Variants in IL1RAPL1 observed in about 807,000 individuals in gnomAD.
IL1RAPL1 encodes interleukin-1 receptor accessory protein-like 1.
Under a neutral mutation model 48.4 loss-of-function variants are expected in IL1RAPL1, and 3 were observed. That is an observed-to-expected ratio of 0.06 (90% CI 0.03 to 0.16). The LOEUF (loss-of-function observed/expected upper bound fraction) is 0.16. Ranked by LOEUF, IL1RAPL1 falls within the 10% of genes least tolerant of loss-of-function variation. The pLI is 1.00. For missense variants in IL1RAPL1, 349 were observed against 530.6 expected, an observed-to-expected ratio of 0.66 and a Z score of 3.36; for synonymous variants, 185 against 187.7, an observed-to-expected ratio of 0.99 and a Z score of 0.12.
intron 2 of IL1RAPL1, among the ~76,000 whole-genome samples, chrX:28,932,411 A>G: frequency 8.9e-6 from 1 of 111,979 alleles, no homozygotes; most frequent in Non-Finnish European, 1.9e-5. Context: ...AGTAAAAACA[A>G]AAATACCATC....
chrX:28,753,957 C>T (rs987166989), intron 1 of IL1RAPL1, among the ~76,000 whole-genome samples: 2 of 109,625 alleles, frequency 1.8e-5, no homozygotes, highest in African/African-American at 6.6e-5. Context: ...AAAGAGAGAA[C>T]GAGAACACAC....
chrX:29,187,132 TAAAAA>T (rs1248408252), intron 2 of IL1RAPL1, among the ~76,000 whole-genome samples: 4 of 111,992 alleles, frequency 3.6e-5, no homozygotes, highest in Admixed American at 9.5e-5. Context: ...AAATCCAAAA[TAAAAA>T]TAAAGAAACT....
intron 2 of IL1RAPL1, among the ~76,000 whole-genome samples, chrX:28,933,951 C>T (rs975434959): frequency 1.8e-5 from 2 of 111,437 alleles, no homozygotes; most frequent in African/African-American, 3.3e-5. Context: ...TAATAATTAG[C>T]ATATAATAAA....
intron 6 of IL1RAPL1, among the ~76,000 whole-genome samples, chrX:29,856,761 G>A (rs1931484565): frequency 1.8e-5 from 2 of 111,568 alleles, no homozygotes; most frequent in Admixed American, 9.6e-5. Flanking sequence ...ATATCTTGTA[G>A]TTTGCCAAGA....
In IL1RAPL1 at chrX:28,988,767, C is replaced by A. The variant is rs1183256280; in HGVS notation, c.82+199342C>A. Among the ~76,000 whole-genome samples the A allele has an allele frequency of 1.6e-4, 18 of 111,960 alleles. No homozygotes were observed. The Admixed American group carries it at 1.7e-3, about 11-fold the overall frequency. On this transcript the variant is annotated intron_variant, in intron 2 of 10. Transcript: ENST00000378993. ...TGTGGGTAAATTATTATGAAAGATA[C>A]TTCTAGAAATTCAAGATGGAGATAT... is the stretch of plus-strand genomic sequence containing the variant.
At chrX:29,039,808 A>G in intron 2 of IL1RAPL1, among the ~76,000 whole-genome samples, 1 of 91,224 alleles carries the variant, frequency 1.1e-5, no homozygotes, top group African/African-American at 4.3e-5. Flanking sequence ...AAAAAAAAAA[A>G]TCCTGAGGCA....
chrX:28,646,297 G>T (rs1426304135), intron 1 of IL1RAPL1, among the ~76,000 whole-genome samples: 3 of 111,859 alleles, frequency 2.7e-5, no homozygotes, highest in Non-Finnish European at 5.6e-5. Context: ...CTGACAGTAG[G>T]CGGAGCTCAG....
chrX:29,391,691 G>C (rs1933855398), intron 3 of IL1RAPL1, among the ~76,000 whole-genome samples: 1 of 111,644 alleles, frequency 9.0e-6, no homozygotes, highest in Non-Finnish European at 1.9e-5. Flanking sequence ...AAAACCAAGG[G>C]TTAAGGGTAG....
intron 1 of IL1RAPL1, among the ~76,000 whole-genome samples, chrX:28,617,863 C>T (rs987013932): frequency 7.1e-5 from 8 of 111,941 alleles, no homozygotes; most frequent in African/African-American, 2.3e-4. Flanking sequence ...TTTTAATATT[C>T]TCAAAGTAGG....
chrX:28,995,807 C>G (rs1925710798), intron 2 of IL1RAPL1, among the ~76,000 whole-genome samples: 1 of 110,748 alleles, frequency 9.0e-6, no homozygotes, highest in Admixed American at 9.7e-5. Context: ...AGAAGGCTAA[C>G]TTTGGGGGAA....
intron 1 of IL1RAPL1, among the ~76,000 whole-genome samples, chrX:28,646,892 C>A (rs1934618549): frequency 1.8e-5 from 2 of 112,154 alleles, no homozygotes. Context: ...ATGGCCCTTG[C>A]AAATTTATCT....
At chrX:29,312,597 A>G (rs748101443) in intron 3 of IL1RAPL1, among the ~76,000 whole-genome samples, 301 of 111,626 alleles carry the variant, frequency 2.7e-3, no homozygotes, top group Non-Finnish European at 4.7e-3. Flanking sequence ...ATTTTTACAG[A>G]TTGATTTGAG....
chrX:29,463,194 C>CA (rs66924300), intron 5 of IL1RAPL1, among the ~76,000 whole-genome samples: 1,026 of 99,162 alleles, frequency 0.01, 6 homozygotes, highest in East Asian at 0.04. Flanking sequence ...GATGCTTTAT[C>CA]AAAAAAAAAA....
At chrX:29,652,313 G>C (rs1417760754) in intron 5 of IL1RAPL1, among the ~76,000 whole-genome samples, 1 of 111,734 alleles carries the variant, frequency 8.9e-6, no homozygotes, top group Non-Finnish European at 1.9e-5. Flanking sequence ...CCTCTTAAAG[G>C]CGGGACAGAG....
chrX:29,526,578 G>A (rs1935555174), intron 5 of IL1RAPL1, among the ~76,000 whole-genome samples: 2 of 111,738 alleles, frequency 1.8e-5, no homozygotes, highest in Non-Finnish European at 3.8e-5. Context: ...ATGTAAATTT[G>A]ACAGACAAAA....
At chrX:28,946,421 A>G (rs1924306355) in intron 2 of IL1RAPL1, among the ~76,000 whole-genome samples, 1 of 111,026 alleles carries the variant, frequency 9.0e-6, no homozygotes, top group Non-Finnish European at 1.9e-5. Context: ...TAGGTATATA[A>G]TTATAGAAAA....
At chrX:29,887,771 T>C (rs1932196742) in intron 6 of IL1RAPL1, among the ~76,000 whole-genome samples, 1 of 111,220 alleles carries the variant, frequency 9.0e-6, no homozygotes, top group Admixed American at 9.6e-5. Context: ...TATTGGTAGA[T>C]AGTTTAATAA....
intron 2 of IL1RAPL1, among the ~76,000 whole-genome samples, chrX:28,938,007 G>T (rs1924061773): frequency 9.0e-6 from 1 of 111,187 alleles, no homozygotes; most frequent in Admixed American, 9.6e-5. Flanking sequence ...ACTGCTCAAA[G>T]AAATCAGAGA....
At chrX:29,720,362 A>G (rs1276109553) in intron 6 of IL1RAPL1, among the ~76,000 whole-genome samples, 1 of 112,301 alleles carries the variant, frequency 8.9e-6, no homozygotes, top group Admixed American at 9.4e-5. Context: ...CCAAATGTCC[A>G]TCAATGATAG....
Sources: gnomAD v4.1 joint callset for allele counts (sites outside exome capture counted in the v4.1 genomes callset) on GRCh38, gnomAD v4.1.1 for gene constraint, MANE v1.5 for transcripts, NCBI Gene and HGNC (gene_info 2026-07-23, HGNC 2026-07-21) for gene names.